PRDM5: variants seen among roughly 807,000 people sequenced by gnomAD.
PRDM5 encodes the protein PR domain zinc finger protein 5.
Under a neutral mutation model 81.2 loss-of-function variants are expected in PRDM5, and 56 were observed. That is an observed-to-expected ratio of 0.69 (90% CI 0.56 to 0.86). PRDM5 has a LOEUF of 0.86. Among genes scored for constraint, PRDM5 ranks in the 40% least tolerant of loss-of-function variants. PRDM5 has a pLI of 0.00. For missense variants in PRDM5, 697 were observed against 770.1 expected (o/e 0.91, Z 1.12); for synonymous variants, 267 against 256.4 (o/e 1.04, Z -0.39).
At chr4:120,815,667 C>T (rs189070462) in intron 7 of PRDM5, among the ~76,000 whole-genome samples, 47 of 152,220 alleles carry the variant, frequency 3.1e-4, no homozygotes, top group Non-Finnish European at 6.3e-4. Flanking sequence ...CCACCCATTT[C>T]CCAGAAGTCA....
chr4:120,700,069 A>C (rs899021076), intron 15 of PRDM5, among the ~76,000 whole-genome samples: 6 of 152,192 alleles, frequency 3.9e-5, no homozygotes, highest in Non-Finnish European at 2.9e-5. Flanking sequence ...CAGTAACCAA[A>C]ACAGCAGGAT....
chr4:120,794,080 T>C (rs1750992288), intron 10 of PRDM5, among the ~76,000 whole-genome samples: 1 of 152,242 alleles, frequency 6.6e-6, no homozygotes, highest in Admixed American at 6.5e-5. Context: ...CTGTGGTTCC[T>C]TCTGTCAGAT....
chr4:120,864,326 A>T (rs760185536), intron 2 of PRDM5, among the ~76,000 whole-genome samples: 5 of 152,262 alleles, frequency 3.3e-5, no homozygotes, highest in Non-Finnish European at 7.3e-5. Flanking sequence ...CCTTGAACAT[A>T]AAGTTGATAT....
chr4:120,739,146 T>C (rs780346497), intron 14 of PRDM5, among the ~76,000 whole-genome samples: 2 of 152,206 alleles, frequency 1.3e-5, no homozygotes, highest in Non-Finnish European at 2.9e-5. Context: ...CCTCACAACA[T>C]GGTGATTGGT....
chr4:120,912,478 A>G (rs1369821779), intron 1 of PRDM5, among the ~76,000 whole-genome samples: 3 of 152,226 alleles, frequency 2.0e-5, no homozygotes, highest in Non-Finnish European at 4.4e-5. Flanking sequence ...TGATCTCTTC[A>G]GAGAGTCACT....
At chr4:120,851,456 C>T (rs1000651649) in intron 3 of PRDM5, among the ~76,000 whole-genome samples, 2 of 148,434 alleles carry the variant, frequency 1.3e-5, no homozygotes, top group Non-Finnish European at 3.0e-5. Context: ...ATAATGTCTA[C>T]ATGTTGAAAA....
chr4:120,781,605 G>A (rs1442337631), intron 11 of PRDM5, among the ~76,000 whole-genome samples: 3 of 152,136 alleles, frequency 2.0e-5, no homozygotes, highest in Admixed American at 6.5e-5. Flanking sequence ...AGCGGGGGCT[G>A]GGATTTGAGG....
Position 120,710,242 on chromosome 4 carries a change from C to CAT in PRDM5, c.1728+66_1728+67insAT, listed in dbSNP as rs1736770371. Reference sequence around the variant, plus strand: ...ACAGACACACACACACACACACATACACACACACACACACCCCTACTTTCT... The same window carrying CAT: ...ACAGACACACACACACACACACATACATACACACACACACACCCCTACTTTCT... On this transcript the variant is annotated intron_variant, in intron 15 of 15. Transcript: ENST00000264808. 7 of 750,240 alleles carry CAT rather than the reference C, an allele frequency of 9.3e-6. No individual in the cohort carries two copies. The African/African-American group carries it at 1.2e-4, about 13-fold the overall frequency. The allele number at this position is 750,240 out of a possible 1,614,324, so 46.5% of individuals were successfully genotyped here. A position where few individuals can be genotyped will look rare whatever the true frequency, so the allele number is the denominator to read the frequency against.
chr4:120,737,824 TA>T (rs1214478115), intron 14 of PRDM5, among the ~76,000 whole-genome samples: 12 of 152,370 alleles, frequency 7.9e-5, no homozygotes, highest in African/African-American at 2.9e-4. Context: ...GTTTGTTGAA[TA>T]AATAAATGAA....
intron 2 of PRDM5, among the ~76,000 whole-genome samples, chr4:120,881,397 T>C (rs1258325821): frequency 6.6e-6 from 1 of 152,220 alleles, no homozygotes; most frequent in Admixed American, 6.5e-5. Flanking sequence ...GTAAAATCGC[T>C]GGCAAATAAA....
intron 2 of PRDM5, among the ~76,000 whole-genome samples, chr4:120,864,982 G>A (rs1472045884): frequency 2.6e-5 from 4 of 152,266 alleles, no homozygotes; most frequent in Middle Eastern, 6.8e-3. Context: ...GCTGTGTCTC[G>A]CATCAATAAC....
chr4:120,727,733 C>T (rs1266992975), intron 14 of PRDM5, among the ~76,000 whole-genome samples: 2 of 151,882 alleles, frequency 1.3e-5, no homozygotes, highest in Non-Finnish European at 2.9e-5. Context: ...TTCAGGAGTT[C>T]GAGACTAGCC....
At chr4:120,684,716 G>A (rs1432772123), downstream of PRDM5, among the ~76,000 whole-genome samples, 1 of 151,632 alleles carries the variant, frequency 6.6e-6, no homozygotes, top group Non-Finnish European at 1.5e-5. Context: ...TTTCACTACT[G>A]TTCTTTTGCT....
chr4:120,699,082 A>G (rs1378505602), intron 15 of PRDM5, among the ~76,000 whole-genome samples: 1 of 149,024 alleles, frequency 6.7e-6, no homozygotes, highest in African/African-American at 2.5e-5. Flanking sequence ...TATTTTCACT[A>G]GACAAGATTT....
rs1050217534 is a variant in PRDM5, at chr4:120,734,384, T to A, written c.1623+20169A>T. On this transcript the variant is annotated intron_variant, in intron 14 of 15. Transcript: ENST00000264808. Reference sequence around the variant, plus strand: ...GTAAAAGACTAGCTCCAGTGAGATGTTAGTGGAACACACACACACACACAC... The same window carrying A: ...GTAAAAGACTAGCTCCAGTGAGATGATAGTGGAACACACACACACACACAC... 6.5e-5 allele frequency among the ~76,000 whole-genome samples: 9 copies of A among 138,904 alleles called. No homozygotes were observed. The South Asian group carries it at 2.1e-3, about 33-fold the overall frequency. 91.1% of individuals were successfully genotyped at this position (138,904 alleles called of 152,430 possible).
intron 14 of PRDM5, among the ~76,000 whole-genome samples, chr4:120,754,309 CTCCTGAAAATTGAG>C (rs1232641736): frequency 3.9e-5 from 6 of 152,160 alleles, no homozygotes; most frequent in Non-Finnish European, 5.9e-5. Flanking sequence ...TCATTTATAA[CTCCTGAAAATTGAG>C]TCCTGATTCA....
intron 3 of PRDM5, among the ~76,000 whole-genome samples, chr4:120,835,391 C>T (rs1386288587): frequency 6.6e-6 from 1 of 152,160 alleles, no homozygotes; most frequent in Admixed American, 6.5e-5. Flanking sequence ...TGCCTGTGTG[C>T]ATGCATGTAC....
chr4:120,689,290 G>T (rs1365701571), downstream of PRDM5, among the ~76,000 whole-genome samples: 2 of 152,016 alleles, frequency 1.3e-5, no homozygotes, highest in Non-Finnish European at 2.9e-5. Flanking sequence ...CTCTTAAAAG[G>T]GTAGAACTGG....
intron 12 of PRDM5, among the ~76,000 whole-genome samples, chr4:120,780,429 G>A (rs748164693): frequency 7.3e-6 from 1 of 136,370 alleles, no homozygotes; most frequent in Admixed American, 8.5e-5. Flanking sequence ...GGGCAACAGA[G>A]CGAGACTCTG....
Sources: allele counts gnomAD v4.1 joint callset (sites outside exome capture counted in the v4.1 genomes callset), GRCh38; gene constraint gnomAD v4.1.1; transcripts MANE v1.5; gene names NCBI Gene and HGNC (gene_info 2026-07-23, HGNC 2026-07-21).